Variants in ESRRG observed in about 807,000 individuals in gnomAD.
ESRRG encodes the protein estrogen related receptor gamma.
In ESRRG, 13 loss-of-function variants were observed where a neutral mutation model predicts 44.0. That is an observed-to-expected ratio of 0.30 (90% CI 0.19 to 0.47). The LOEUF is 0.47. ESRRG is among the 20% of genes least tolerant of loss of function. The probability of loss-of-function intolerance (pLI) is 1.00; values close to 1 mark genes in which losing one functional copy is unlikely to be tolerated. For synonymous variants in ESRRG, 215 were observed against 214.6 expected (o/e 1.00, Z -0.02); for missense variants, 395 against 580.6 (o/e 0.68, Z 3.29).
Position 216,652,887 on chromosome 1 carries a change from G to A in ESRRG, c.473-1798C>T, listed in dbSNP as rs576262963. On this transcript the variant is annotated intron_variant, in intron 2 of 6. Coordinates refer to ENST00000408911, the MANE Select transcript of ESRRG (RefSeq NM_001438.4). ...ACTACTAGATCCTTCCACCCTGTTC[G>A]GCTCCCCCTATACTTACTTAAAAAG... 5.3e-5 allele frequency among the ~76,000 whole-genome samples: 8 copies of A among 151,760 alleles called. No homozygotes were observed. The South Asian group carries it at 1.0e-3, about 20-fold the overall frequency.
In ESRRG at chr1:216,682,903, T is replaced by C. The variant is rs75554702; in HGVS notation, c.57-5412A>G. ...TCCCCCCTGCTTCAACTAATTGCAC[T>C]CTCGTAAAGTGGCAAAATGTGAATC... On this transcript the variant is annotated intron_variant, in intron 1 of 6. Coordinates refer to ENST00000408911, the MANE Select transcript of ESRRG (RefSeq NM_001438.4). 5.9e-3 allele frequency among the ~76,000 whole-genome samples: 902 copies of C among 152,168 alleles called. 9 individuals are homozygous for C. Among genetic ancestry groups the C allele is most frequent in the African/African-American group, 0.021 (865 of 41,514 alleles).
chr1:217,052,984 T>G (rs1339039696), intron 1 of ESRRG, among the ~76,000 whole-genome samples: 1 of 152,072 alleles, frequency 6.6e-6, no homozygotes. Flanking sequence ...ACTTCCTTCA[T>G]TCATTCTTCC....
chr1:216,870,604 G>A (rs1319638913), intron 2 of ESRRG, among the ~76,000 whole-genome samples: 1 of 151,730 alleles, frequency 6.6e-6, no homozygotes, highest in Non-Finnish European at 1.5e-5. Flanking sequence ...ATAATAGTTT[G>A]GTAAAATACA....
chr1:217,085,583 C>T (rs544167085), intron 1 of ESRRG, among the ~76,000 whole-genome samples: 1 of 143,240 alleles, frequency 7.0e-6, no homozygotes, highest in East Asian at 2.2e-4. Context: ...CTCTACCTCC[C>T]GGGTGCAAGC....
chr1:217,084,553 G>A (rs1375411729), intron 1 of ESRRG, among the ~76,000 whole-genome samples: 1 of 152,082 alleles, frequency 6.6e-6, no homozygotes, highest in African/African-American at 2.4e-5. Context: ...ATCAGAATAG[G>A]AATGCAAAAG....
rs577776634 is a variant in ESRRG at position 216,833,222 on chromosome 1, A to C, written c.-14+106360T>G. On this transcript the variant is annotated intron_variant, in intron 2 of 7. Coordinates refer to the ESRRG transcript ENST00000359162. The stretch of plus-strand genomic sequence containing the variant: ...GCAAGGAAAATTGCATATTTTCTAA[A>C]AAAAAACACCCAATGTTACACTTCA... 3.9e-5 allele frequency among the ~76,000 whole-genome samples: 6 copies of C among 152,320 alleles called. No homozygotes were observed. In the South Asian group the frequency reaches 1.2e-3, roughly 32 times the overall value.
At chr1:216,602,953 T>C (rs920904006) in intron 3 of ESRRG, among the ~76,000 whole-genome samples, 8 of 152,164 alleles carry the variant, frequency 5.3e-5, no homozygotes, top group Non-Finnish European at 4.4e-5. Flanking sequence ...ACTACATCTA[T>C]ATAGCCCCAT....
intron 2 of ESRRG, among the ~76,000 whole-genome samples, chr1:216,886,226 T>A (rs752786806): frequency 5.9e-5 from 9 of 152,112 alleles, no homozygotes; most frequent in Non-Finnish European, 1.2e-4. Context: ...TACATTTCAC[T>A]TGAGACAATG....
At chr1:216,784,399 T>C (rs1167000574) in intron 2 of ESRRG, among the ~76,000 whole-genome samples, 1 of 152,066 alleles carries the variant, frequency 6.6e-6, no homozygotes, top group East Asian at 1.9e-4. Context: ...GAGTTACTTC[T>C]CATGAGTCAT....
rs140742024 is a variant in ESRRG at position 216,688,986 on chromosome 1, C to T, written c.57-11495G>A. On this transcript the variant is annotated intron_variant, in intron 1 of 6. Coordinates refer to ENST00000408911, the MANE Select transcript of ESRRG (RefSeq NM_001438.4). The stretch of plus-strand genomic sequence containing the variant: ...ACAGAGATGCATATGGGTAAACACA[C>T]ATTAACTTCCCTCAATCTAAGATTC... Among the ~76,000 whole-genome samples, 14 of 152,234 alleles carry T rather than the reference C, an allele frequency of 9.2e-5. No homozygotes were observed. In the East Asian group the frequency reaches 1.4e-3, roughly 15 times the overall value.
At chr1:216,791,594 A>G (rs1169725889) in intron 2 of ESRRG, among the ~76,000 whole-genome samples, 1 of 152,122 alleles carries the variant, frequency 6.6e-6, no homozygotes, top group Admixed American at 6.6e-5. Flanking sequence ...TCATCAATAC[A>G]TTGGAGCCAT....
chr1:217,132,696 C>T (rs2102541738), intron 1 of ESRRG, among the ~76,000 whole-genome samples: 1 of 152,160 alleles, frequency 6.6e-6, no homozygotes, highest in South Asian at 2.1e-4. Flanking sequence ...TCCAATTCCA[C>T]GTGCATGGAC....
intron 1 of ESRRG, among the ~76,000 whole-genome samples, chr1:216,981,315 C>T (rs1261416508): frequency 6.6e-6 from 1 of 152,150 alleles, no homozygotes; most frequent in Non-Finnish European, 1.5e-5. Context: ...TAATCTAATA[C>T]AAGGTGCAGT....
rs1368643607 is a variant in ESRRG, at chr1:216,637,775, G to C, written c.589+13198C>G. Among the ~76,000 whole-genome samples the C allele has an allele frequency of 4.1e-5, 6 of 147,096 alleles. No homozygotes were observed. In the Admixed American group the frequency reaches 4.1e-4, roughly 10 times the overall value. ...GATCAAAACCAACATTATTCCTCAT[G>C]TTTTTTTTTTCTCCTTTTTTTGGAT... is the stretch of plus-strand genomic sequence containing the variant. On this transcript the variant is annotated intron_variant, in intron 3 of 6. Transcript: ENST00000408911.
chr1:216,974,019 C>T (rs1231671799), intron 1 of ESRRG, among the ~76,000 whole-genome samples: 4 of 152,110 alleles, frequency 2.6e-5, no homozygotes, highest in East Asian at 3.8e-4. Context: ...AACACAGTAA[C>T]TCAGTCACAA....
chr1:216,578,958 G>C (rs1293576606), intron 3 of ESRRG, among the ~76,000 whole-genome samples: 2 of 151,996 alleles, frequency 1.3e-5, no homozygotes, highest in African/African-American at 4.8e-5. Context: ...TGAGGTAAGA[G>C]AATTATGAAT....
At chr1:217,038,238 C>G (rs548856472) in intron 1 of ESRRG, among the ~76,000 whole-genome samples, 53 of 152,330 alleles carry the variant, frequency 3.5e-4, no homozygotes, top group African/African-American at 1.2e-3. Flanking sequence ...AGAGGTTCTC[C>G]GTGAGGGCCC....
chr1:216,825,960 T>G (rs993649340), intron 2 of ESRRG, among the ~76,000 whole-genome samples: 5 of 152,108 alleles, frequency 3.3e-5, no homozygotes, highest in Admixed American at 2.6e-4. Flanking sequence ...ATTGTCTGAG[T>G]TGACGGGTCA....
At chr1:216,985,156 C>G (rs534485883) in intron 1 of ESRRG, among the ~76,000 whole-genome samples, 3 of 152,260 alleles carry the variant, frequency 2.0e-5, no homozygotes, top group Non-Finnish European at 4.4e-5. Context: ...CTGTGAATAA[C>G]TATGAACTTC....
Sources: gnomAD v4.1 joint callset for allele counts (sites outside exome capture counted in the v4.1 genomes callset) on GRCh38, gnomAD v4.1.1 for gene constraint, MANE v1.5 for transcripts, NCBI Gene and HGNC (gene_info 2026-07-23, HGNC 2026-07-21) for gene names.